Variants in UGT2B11 observed in about 807,000 individuals in gnomAD.
UGT2B11 encodes the protein UDP-glucuronosyltransferase 2B11.
Under a neutral mutation model 51.7 loss-of-function variants are expected in UGT2B11, and 49 were observed. The ratio of observed to expected loss-of-function variants is 0.95; its 90% CI spans 0.75 to 1.20. UGT2B11 has a LOEUF of 1.20. UGT2B11 is among the 50% of genes most tolerant of loss of function. The pLI is 0.00. For synonymous variants in UGT2B11, 273 were observed against 209.0 expected (o/e 1.31, Z -2.64); for missense variants, 810 against 622.1 (o/e 1.30, Z -3.21).
chr4:69,202,777 T>C (rs1721706594), intron 5 of UGT2B11, among the ~76,000 whole-genome samples: 1 of 151,730 alleles, frequency 6.6e-6, no homozygotes, highest in Admixed American at 6.6e-5. Flanking sequence ...TTCTTTTCTA[T>C]TTGTCCAAGG....
chr4:69,204,987 G>T (rs1431088595), intron 4 of UGT2B11, among the ~76,000 whole-genome samples: 1 of 151,610 alleles, frequency 6.6e-6, no homozygotes, highest in Non-Finnish European at 1.5e-5. Flanking sequence ...TGATATGCGG[G>T]GTATGCAAGG....
intron 3 of UGT2B11, among the ~76,000 whole-genome samples, chr4:69,206,222 C>T (rs949904193): frequency 1.9e-4 from 29 of 151,314 alleles, no homozygotes; most frequent in Non-Finnish European, 1.6e-4. Flanking sequence ...ATGCAGTCAA[C>T]CTAAATGACC....
At position 69,200,329 on chromosome 4, in the gene UGT2B11, T is replaced by TTTTTTTTC; in HGVS notation, c.*110_*111insGAAAAAAA. 2 of 1,180,584 alleles carry TTTTTTTTC rather than the reference T, an allele frequency of 1.7e-6. No individual in the cohort carries two copies. The highest frequency in any genetic ancestry group is 3.2e-5 in the African/African-American group (2 of 62,752). 73.1% of individuals were successfully genotyped at this position (1,180,584 alleles called of 1,614,324 possible). A position where few individuals can be genotyped will look rare whatever the true frequency, so the allele number is the denominator to read the frequency against. ...ATTTGAAAATTTTTTTTTTTTTTTT[T>TTTTTTTTC]TTTTTGTCACAGGAAGAAAGAAATC... On this transcript the variant is annotated 3_prime_UTR_variant, in exon 6 of 6. Coordinates refer to ENST00000446444, the MANE Select transcript of UGT2B11 (RefSeq NM_001073.3).
At chr4:69,221,313 C>A in the UGT2B11 span, among the ~76,000 whole-genome samples, 1 of 152,124 alleles carries the variant, frequency 6.6e-6, no homozygotes, top group Non-Finnish European at 1.5e-5. Flanking sequence ...TTTTACTAAA[C>A]CTTGAGCTTT....
Position 69,214,402 on chromosome 4 carries a change from T to C in UGT2B11, c.321A>G (p.Leu107=), listed in dbSNP as rs1280481088. 1 of 1,612,878 alleles carries C rather than the reference T, an allele frequency of 6.2e-7. No individual in the cohort carries two copies. Residue 107 remains leucine, a synonymous_variant, in exon 1 of 6, where the codon TTA becomes TTG. Transcript: ENST00000446444. ...WSDIRKDSFW[L]YFSQEQEILW... is the part of the protein sequence containing the mutation. ...GGATTTCTTGTTCTTGTGAAAAATA[T>C]AACCAAAAGCTATCTTTTCGAATGT...
intron 3 of UGT2B11, among the ~76,000 whole-genome samples, chr4:69,207,303 T>C (rs563720915): frequency 3.3e-5 from 5 of 151,698 alleles, no homozygotes; most frequent in African/African-American, 1.2e-4. Context: ...TGAACAATAA[T>C]TTGCAGTGTT....
rs776777455 is a variant in UGT2B11, at chr4:69,213,983, C to A, written c.721+19G>T. 1 of 1,539,312 alleles carries A rather than the reference C, an allele frequency of 6.5e-7. No homozygotes were observed. The stretch of plus-strand genomic sequence containing the variant: ...CAAATAAGTTAGATCTTCACGTTAC[C>A]GATTAAACAAATTCTTACCTAAAAC... On this transcript the variant is annotated intron_variant, in intron 1 of 5. Coordinates refer to ENST00000446444, the MANE Select transcript of UGT2B11 (RefSeq NM_001073.3).
In UGT2B11 at chr4:69,214,531, A is replaced by C. The variant is rs142365277; in HGVS notation, c.192T>G (p.Phe64Leu). The change falls in exon 1 of 6, where the codon TTT becomes TTG. Residue 64 changes from phenylalanine to leucine, a missense_variant. By Grantham distance (22) the Phe-to-Leu change is conservative. Transcript: ENST00000446444. ...TVLASSASILFDPNDASTLKF... is the reference protein window; with the variant it reads ...TVLASSASILLDPNDASTLKF... ...TAAGAGTGGATGCATCATTGGGATC[A>C]AAAAGAATGGAAGCTGAAGATGCCA... The C allele has an allele frequency of 1.3e-5, 21 of 1,613,008 alleles. 1 individual carries two copies. In the South Asian group the frequency reaches 2.1e-4, roughly 16 times the overall value.
chr4:69,209,716 G>T lies in UGT2B11; in HGVS notation c.871-1234C>A, dbSNP rs1404265924. On this transcript the variant is annotated intron_variant, in intron 2 of 5. Transcript: ENST00000446444. ...CCTGGGGCTTCTAGGTGTTGCGTGT[G>T]ATTGCAGTTACCTGTAGCCACATTT... Among the ~76,000 whole-genome samples, 3 of 151,494 alleles carry T rather than the reference G, an allele frequency of 2.0e-5. No individual in the cohort carries two copies. In the Admixed American group the frequency reaches 2.0e-4, roughly 10 times the overall value.
intron 3 of UGT2B11, among the ~76,000 whole-genome samples, chr4:69,207,602 G>C (rs747268412): frequency 2.0e-5 from 3 of 151,548 alleles, no homozygotes; most frequent in African/African-American, 4.8e-5. Flanking sequence ...CTGAGTCCTT[G>C]TGGGACCATA....
chr4:69,219,522 T>A (rs1159555501), upstream of UGT2B11, among the ~76,000 whole-genome samples: 1 of 152,148 alleles, frequency 6.6e-6, no homozygotes, highest in African/African-American at 2.4e-5. Context: ...TCTCATGCTG[T>A]TACTAAAGAC....
chr4:69,218,009 C>A (rs190578659), upstream of UGT2B11, among the ~76,000 whole-genome samples: 1 of 152,080 alleles, frequency 6.6e-6, no homozygotes, highest in Non-Finnish European at 1.5e-5. Flanking sequence ...CTAAAAGGTT[C>A]TGTCTGCTAA....
In UGT2B11 at chr4:69,200,771, T is replaced by G. The variant is rs1721629238; in HGVS notation, c.1311-52A>C. The stretch of plus-strand genomic sequence containing the variant: ...CACTGAAAGTAAGTTAATTTGCCTG[T>G]ACATATCAAGTCTATGAAAGGCTTT... On this transcript the variant is annotated intron_variant, in intron 5 of 5. Transcript: ENST00000446444. 2.0e-6 allele frequency: 3 copies of G among 1,528,894 alleles called. No homozygotes were observed. In the East Asian group the frequency reaches 6.9e-5, roughly 35 times the overall value. The allele number at this position is 1,528,894 out of a possible 1,614,324, so 94.7% of individuals were successfully genotyped here.
chr4:69,216,797 T>A (rs1406344175), upstream of UGT2B11: 1 of 151,528 alleles, frequency 6.6e-6, no homozygotes, highest in African/African-American at 2.4e-5. Context: ...AATAATAAAT[T>A]TCATTCTTAT....
At chr4:69,204,264 C>A (rs553246601) in intron 5 of UGT2B11, 166 bp downstream of exon 5, 1 of 1,174,108 alleles carries the variant, frequency 8.5e-7, no homozygotes, top group Non-Finnish European at 1.2e-6. Flanking sequence ...GATTCAAACA[C>A]AATTTTTAAA....
chr4:69,222,093 C>T, the UGT2B11 span, among the ~76,000 whole-genome samples: 1 of 152,292 alleles, frequency 6.6e-6, no homozygotes. Context: ...ATGACTAAGG[C>T]TGCAGCCTTT....
At chr4:69,216,622 C>T (rs566422666), upstream of UGT2B11, 212 of 151,558 alleles carry the variant, frequency 1.4e-3, no homozygotes, top group African/African-American at 4.9e-3. Flanking sequence ...CAAAAAAGCC[C>T]ATTTCTTAGA....
chr4:69,215,245 A>G (rs1227728177), upstream of UGT2B11: 5 of 152,800 alleles, frequency 3.3e-5, no homozygotes, highest in African/African-American at 9.7e-5. Context: ...TAAAAAAACA[A>G]AAAACTCCTG....
intron 1 of UGT2B11, 77 bp downstream of exon 1, chr4:69,213,925 T>C (rs1722165078): frequency 1.4e-5 from 20 of 1,480,598 alleles, no homozygotes; most frequent in Middle Eastern, 1.9e-4. Context: ...TTCCCTGACT[T>C]TATGGCTTTA....
Sources: gnomAD v4.1 joint callset for allele counts (sites outside exome capture counted in the v4.1 genomes callset) on GRCh38, gnomAD v4.1.1 for gene constraint, MANE v1.5 for transcripts, NCBI Gene and HGNC (gene_info 2026-07-23, HGNC 2026-07-21) for gene names.